Variants in MAP4K3 observed in about 807,000 individuals in gnomAD.
MAP4K3 encodes mitogen-activated protein kinase kinase kinase kinase 3.
A neutral mutation model predicts 143.5 loss-of-function variants in MAP4K3; 94 were observed. The ratio of observed to expected loss-of-function variants is 0.65; its 90% CI spans 0.55 to 0.78. The LOEUF is 0.78. Ranked by LOEUF, MAP4K3 falls within the 30% of genes least tolerant of loss-of-function variation. MAP4K3 has a pLI of 0.00. For missense variants in MAP4K3, 1,077 were observed against 1,068.1 expected (o/e 1.01, Z -0.12); for synonymous variants, 416 against 347.2 (o/e 1.20, Z -2.20).
rs530359011 is a variant in MAP4K3, at chr2:39,282,465, A to C, written c.1629+48T>G. 249 of 1,474,834 alleles carry C rather than the reference A, an allele frequency of 1.7e-4. 1 individual carries two copies. In the South Asian group the frequency reaches 2.8e-3, roughly 16 times the overall value. 91.4% of individuals were successfully genotyped at this position (1,474,834 alleles called of 1,614,324 possible). On this transcript the variant is annotated intron_variant, in intron 22 of 33. Transcript: ENST00000263881. ...AAAAACCTAAGCAAAGATAACACAC[A>C]CAAGTGACTTAGCTTGAAACTTAGC...
intron 8 of MAP4K3, among the ~76,000 whole-genome samples, chr2:39,330,428 C>T (rs1033554313): frequency 1.3e-5 from 2 of 152,046 alleles, no homozygotes; most frequent in Admixed American, 6.6e-5. Context: ...CTCCCATGCA[C>T]GGTTTCTCAG....
At chr2:39,417,678 A>T (rs1443516716) in intron 1 of MAP4K3, among the ~76,000 whole-genome samples, 1 of 152,248 alleles carries the variant, frequency 6.6e-6, no homozygotes, top group African/African-American at 2.4e-5. Context: ...ATGTATGTAT[A>T]CGTGGTTTAG....
At chr2:39,332,044 A>G in intron 7 of MAP4K3, 55 bp from the exon 8 acceptor site, 1 of 1,008,860 alleles carries the variant, frequency 9.9e-7, no homozygotes, top group Non-Finnish European at 1.5e-6. Flanking sequence ...AAATTGTTTA[A>G]GGCAACATAA....
At chr2:39,368,361 T>A (rs572945411) in intron 2 of MAP4K3, among the ~76,000 whole-genome samples, 6 of 152,106 alleles carry the variant, frequency 3.9e-5, no homozygotes, top group Non-Finnish European at 7.4e-5. Flanking sequence ...ACAAGAACAA[T>A]GACATATTGT....
intron 1 of MAP4K3, among the ~76,000 whole-genome samples, chr2:39,403,741 T>C (rs1178231203): frequency 1.3e-5 from 2 of 151,644 alleles, no homozygotes; most frequent in Admixed American, 6.6e-5. Flanking sequence ...ATGCAAGCTA[T>C]TATGACACCA....
At chr2:39,326,316 T>A (rs568454421) in intron 8 of MAP4K3, 39 bp from the exon 9 acceptor site, 1 of 1,607,018 alleles carries the variant, frequency 6.2e-7, no homozygotes, top group Non-Finnish European at 8.5e-7. Context: ...ACTTCTGTTA[T>A]ATGTTTTCCT....
intron 16 of MAP4K3, among the ~76,000 whole-genome samples, chr2:39,295,528 AATGT>A (rs1279467955): frequency 6.6e-6 from 1 of 152,080 alleles, no homozygotes; most frequent in Non-Finnish European, 1.5e-5. Context: ...AATTAAACAT[AATGT>A]ATCTGAACTG....
chr2:39,333,960 T>TC (rs1410733859), intron 6 of MAP4K3, among the ~76,000 whole-genome samples: 2 of 113,514 alleles, frequency 1.8e-5, no homozygotes, highest in Admixed American at 9.8e-5. Context: ...GTTTCCCATT[T>TC]TTGTGTGTGT....
chr2:39,400,944 C>A (rs1194631857), intron 1 of MAP4K3, among the ~76,000 whole-genome samples: 1 of 152,016 alleles, frequency 6.6e-6, no homozygotes, highest in African/African-American at 2.4e-5. Context: ...GAGTGTGACC[C>A]TGTCTCAGAA....
chr2:39,428,877 G>A (rs1665186989), intron 1 of MAP4K3, among the ~76,000 whole-genome samples: 1 of 151,434 alleles, frequency 6.6e-6, no homozygotes, highest in Non-Finnish European at 1.5e-5. Flanking sequence ...AGACCAGCCT[G>A]GCCAACATGG....
intron 1 of MAP4K3, among the ~76,000 whole-genome samples, chr2:39,429,064 CAAAAAAAAAAAAA>C (rs34783806): frequency 3.3e-5 from 2 of 60,102 alleles, no homozygotes; most frequent in African/African-American, 1.5e-4. Context: ...GACTCCGTCT[CAAAAAAAAAAAAA>C]AAAAAAAAAA....
At chr2:39,360,890 T>A (rs894710496) in intron 2 of MAP4K3, among the ~76,000 whole-genome samples, 1 of 152,170 alleles carries the variant, frequency 6.6e-6, no homozygotes, top group East Asian at 1.9e-4. Flanking sequence ...ATTATGGGAA[T>A]GACTCAAAAT....
At chr2:39,435,337 T>A (rs1482395406) in intron 1 of MAP4K3, among the ~76,000 whole-genome samples, 3 of 152,144 alleles carry the variant, frequency 2.0e-5, no homozygotes, top group Admixed American at 1.3e-4. Flanking sequence ...AAGTCCGATC[T>A]CCTAATGAGA....
chr2:39,261,997 A>C (rs1680587363), intron 28 of MAP4K3, among the ~76,000 whole-genome samples: 2 of 152,202 alleles, frequency 1.3e-5, no homozygotes, highest in South Asian at 4.1e-4. Flanking sequence ...ATTTTTCTTC[A>C]CAAATTAAAA....
intron 1 of MAP4K3, 93 bp downstream of exon 1, chr2:39,436,799 T>A: frequency 9.4e-7 from 1 of 1,068,048 alleles, no homozygotes; most frequent in Non-Finnish European, 1.4e-6. Context: ...GGCGCCAGCG[T>A]CTCCCGAGGA....
chr2:39,254,654 T>TAG, intron 31 of MAP4K3, 134 bp from the exon 32 acceptor site: 2 of 608,784 alleles, frequency 3.3e-6, no homozygotes, highest in Non-Finnish European at 5.8e-6. Flanking sequence ...TTATATGGCA[T>TAG]CTTTACATTT....
At chr2:39,376,661 G>A (rs114553624) in intron 2 of MAP4K3, among the ~76,000 whole-genome samples, 7 of 152,196 alleles carry the variant, frequency 4.6e-5, no homozygotes, top group African/African-American at 1.7e-4. Flanking sequence ...GCTATGGTCA[G>A]TGCTACAGCA....
At chr2:39,405,593 G>A (rs895050115) in intron 1 of MAP4K3, among the ~76,000 whole-genome samples, 3 of 152,136 alleles carry the variant, frequency 2.0e-5, no homozygotes, top group African/African-American at 4.8e-5. Context: ...CCAAGGCTGG[G>A]CACGATGCTC....
intron 1 of MAP4K3, among the ~76,000 whole-genome samples, chr2:39,402,158 T>TTATTCTATCCATTA (rs2148608470): frequency 6.6e-6 from 1 of 152,146 alleles, no homozygotes; most frequent in African/African-American, 2.4e-5. Context: ...ATAACTGAGA[T>TTATTCTATCCATTA]TAAACTACAA....
Sources: allele counts gnomAD v4.1 joint callset (sites outside exome capture counted in the v4.1 genomes callset), GRCh38; gene constraint gnomAD v4.1.1; transcripts MANE v1.5; gene names NCBI Gene and HGNC (gene_info 2026-07-23, HGNC 2026-07-21).